SV2C: variants seen among roughly 807,000 people sequenced by gnomAD.
SV2C encodes the protein solute carrier family 22 member B3.
Under a neutral mutation model 79.7 loss-of-function variants are expected in SV2C, and 49 were observed. The ratio of observed to expected loss-of-function variants is 0.61; its 90% CI spans 0.49 to 0.78. The LOEUF is 0.78. SV2C is among the 30% of genes least tolerant of loss of function. SV2C has a pLI of 0.00. For synonymous variants in SV2C, 334 were observed against 333.2 expected (o/e 1.00, Z -0.03); for missense variants, 833 against 912.9 (o/e 0.91, Z 1.13).
chr5:76,122,005 TG>T (rs1372035258), intron 1 of SV2C, among the ~76,000 whole-genome samples: 2 of 152,196 alleles, frequency 1.3e-5, no homozygotes, highest in African/African-American at 4.8e-5. Context: ...CCCATGAGCA[TG>T]GAATGTTCTT....
chr5:76,007,722 C>T, the SV2C span, among the ~76,000 whole-genome samples: 1 of 152,122 alleles, frequency 6.6e-6, no homozygotes, highest in Non-Finnish European at 1.5e-5. Context: ...TGACAGTGAT[C>T]AACAGTCTCT....
the SV2C span, among the ~76,000 whole-genome samples, chr5:76,062,466 G>A: frequency 6.6e-6 from 1 of 152,050 alleles, no homozygotes; most frequent in East Asian, 1.9e-4. Context: ...TGAACCTGCT[G>A]GCACCTTGAT....
At chr5:76,303,815 T>A (rs951314590) in intron 12 of SV2C, among the ~76,000 whole-genome samples, 1 of 152,148 alleles carries the variant, frequency 6.6e-6, no homozygotes, top group Non-Finnish European at 1.5e-5. Context: ...GGATTAAACA[T>A]GCAAAAATGT....
chr5:75,985,919 A>G, the SV2C span, among the ~76,000 whole-genome samples: 10 of 151,724 alleles, frequency 6.6e-5, no homozygotes, highest in African/African-American at 2.4e-4. Context: ...CTTATTTAAA[A>G]TATTAATCTG....
chr5:76,316,215 C>A (rs985018603), intron 12 of SV2C, among the ~76,000 whole-genome samples: 41 of 152,148 alleles, frequency 2.7e-4, no homozygotes, highest in Non-Finnish European at 8.8e-5. Flanking sequence ...GAAATGAAAA[C>A]CATTTGTCAG....
chr5:76,097,441 C>T (rs1437696078), intron 1 of SV2C, among the ~76,000 whole-genome samples: 1 of 152,138 alleles, frequency 6.6e-6, no homozygotes, highest in Non-Finnish European at 1.5e-5. Context: ...ATAAGCACAC[C>T]TGTATTTGTC....
At chr5:76,176,073 G>A (rs1291965355) in intron 2 of SV2C, among the ~76,000 whole-genome samples, 4 of 152,210 alleles carry the variant, frequency 2.6e-5, no homozygotes, top group African/African-American at 4.8e-5. Context: ...GGAGCAATTT[G>A]TTATTTGTGA....
the SV2C span, among the ~76,000 whole-genome samples, chr5:76,049,011 G>GA: frequency 2.2e-5 from 2 of 89,258 alleles, no homozygotes; most frequent in East Asian, 7.3e-4. Flanking sequence ...AAGAAAGAAA[G>GA]AAAGAAAGAA....
At chr5:76,155,769 G>A (rs1344793834) in intron 2 of SV2C, among the ~76,000 whole-genome samples, 1 of 151,882 alleles carries the variant, frequency 6.6e-6, no homozygotes, top group Non-Finnish European at 1.5e-5. Flanking sequence ...AAGAGTAGGG[G>A]TGTCACTTAG....
At chr5:76,280,105 A>G (rs1203524514) in intron 4 of SV2C, among the ~76,000 whole-genome samples, 1 of 152,114 alleles carries the variant, frequency 6.6e-6, no homozygotes, top group East Asian at 1.9e-4. Context: ...CCAGGAGTGG[A>G]GTTGGTTGCT....
At chr5:75,857,360 G>GAGTT in the SV2C span, among the ~76,000 whole-genome samples, 1 of 152,042 alleles carries the variant, frequency 6.6e-6, no homozygotes, top group Admixed American at 6.6e-5. Context: ...ATTTATTGAA[G>GAGTT]AGTTATTCCT....
intron 2 of SV2C, among the ~76,000 whole-genome samples, chr5:76,170,051 C>T (rs1743171294): frequency 6.6e-6 from 1 of 152,002 alleles, no homozygotes; most frequent in Admixed American, 6.5e-5. Context: ...TCATCTCAAT[C>T]CTATTTTATT....
chr5:75,904,927 C>T, the SV2C span, among the ~76,000 whole-genome samples: 2 of 152,180 alleles, frequency 1.3e-5, 1 homozygote, highest in Non-Finnish European at 2.9e-5. Context: ...AACAGAGTCC[C>T]TTCTGACAAA....
intron 4 of SV2C, among the ~76,000 whole-genome samples, chr5:76,250,926 A>T (rs752254213): frequency 1.3e-5 from 2 of 151,970 alleles, no homozygotes; most frequent in African/African-American, 4.8e-5. Flanking sequence ...GCTGTGTATT[A>T]TGAGAGCTCT....
At chr5:76,031,987 A>C in the SV2C span, among the ~76,000 whole-genome samples, 1 of 152,168 alleles carries the variant, frequency 6.6e-6, no homozygotes, top group Admixed American at 6.5e-5. Context: ...TAGTTTAGTC[A>C]TTAGTTCATA....
the SV2C span, among the ~76,000 whole-genome samples, chr5:75,881,535 A>T: frequency 1.3e-5 from 2 of 151,994 alleles, no homozygotes; most frequent in Non-Finnish European, 2.9e-5. Flanking sequence ...TTGGATTCCT[A>T]GGTATTTTAT....
the SV2C span, among the ~76,000 whole-genome samples, chr5:76,055,074 A>G: frequency 2.0e-5 from 3 of 152,168 alleles, no homozygotes; most frequent in Admixed American, 2.0e-4. Context: ...GTCTTTGCCC[A>G]TGCCTATGTC....
the SV2C span, among the ~76,000 whole-genome samples, chr5:76,077,200 T>C: frequency 6.6e-6 from 1 of 152,200 alleles, no homozygotes; most frequent in Non-Finnish European, 1.5e-5. Flanking sequence ...AACCTGCCTC[T>C]GATAAGCCTC....
At chr5:75,968,319 G>A in the SV2C span, among the ~76,000 whole-genome samples, 5 of 152,192 alleles carry the variant, frequency 3.3e-5, no homozygotes, top group African/African-American at 1.2e-4. Context: ...GAACAAAGCT[G>A]GACGGAGAAT....
Sources: allele counts gnomAD v4.1 joint callset (sites outside exome capture counted in the v4.1 genomes callset), GRCh38; gene constraint gnomAD v4.1.1; transcripts MANE v1.5; gene names NCBI Gene and HGNC (gene_info 2026-07-23, HGNC 2026-07-21).